The following SMAD3 variants were observed in gnomAD, a reference collection of about 807,000 sequenced individuals.
The protein encoded by SMAD3 is MAD homolog 3.
SMAD3 carries 12 observed loss-of-function variants against 51.8 expected under a neutral mutation model. That is an observed-to-expected ratio of 0.23 (90% CI 0.15 to 0.38). SMAD3 has a LOEUF of 0.38. Ranked by LOEUF, SMAD3 falls within the 10% of genes least tolerant of loss-of-function variation. The probability of loss-of-function intolerance (pLI) is 1.00; values close to 1 mark genes in which losing one functional copy is unlikely to be tolerated. For synonymous variants in SMAD3, 238 were observed against 227.7 expected, an observed-to-expected ratio of 1.05 and a Z score of -0.41; for missense variants, 294 against 565.6, an observed-to-expected ratio of 0.52 and a Z score of 4.87.
intron 1 of SMAD3, among the ~76,000 whole-genome samples, chr15:67,100,830 G>A (rs890617769): frequency 1.3e-5 from 2 of 152,194 alleles, no homozygotes; most frequent in African/African-American, 4.8e-5. Context: ...GAGAGTGCTA[G>A]TGACTTGCTC....
intron 1 of SMAD3, among the ~76,000 whole-genome samples, chr15:67,139,625 C>G (rs1961763807): frequency 6.6e-6 from 1 of 152,128 alleles, no homozygotes; most frequent in Non-Finnish European, 1.5e-5. Context: ...GCTTTTCTTC[C>G]CATGCCTGTG....
chr15:67,190,268 A>C, intron 8 of SMAD3, 145 bp from the exon 9 acceptor site: 3 of 732,356 alleles, frequency 4.1e-6, no homozygotes, highest in Non-Finnish European at 7.0e-6. Context: ...AGTTTCAGCA[A>C]GTTACTGGTA....
intron 1 of SMAD3, among the ~76,000 whole-genome samples, chr15:67,127,050 T>C (rs1365643104): frequency 2.0e-5 from 3 of 152,174 alleles, no homozygotes; most frequent in Non-Finnish European, 4.4e-5. Flanking sequence ...TGCCATCAAA[T>C]GGGATCCATT....
At chr15:67,159,872 T>C (rs971233294) in intron 1 of SMAD3, among the ~76,000 whole-genome samples, 1 of 152,254 alleles carries the variant, frequency 6.6e-6, no homozygotes, top group Non-Finnish European at 1.5e-5. Flanking sequence ...CCTTTTTTGT[T>C]ACTGAGTTGT....
At chr15:67,149,265 C>G (rs1962061514) in intron 1 of SMAD3, among the ~76,000 whole-genome samples, 1 of 152,148 alleles carries the variant, frequency 6.6e-6, no homozygotes, top group Non-Finnish European at 1.5e-5. Context: ...TGGGCCTGTT[C>G]AGCATTTTGA....
chr15:67,137,219 T>C (rs531541973), intron 1 of SMAD3, among the ~76,000 whole-genome samples: 4 of 152,344 alleles, frequency 2.6e-5, no homozygotes, highest in African/African-American at 4.8e-5. Context: ...TCATTTTTTT[T>C]CCCAGTAGAT....
At chr15:67,101,807 T>C (rs556839509) in intron 1 of SMAD3, among the ~76,000 whole-genome samples, 13 of 152,358 alleles carry the variant, frequency 8.5e-5, no homozygotes, top group African/African-American at 1.9e-4. Context: ...TCCTATCTTA[T>C]GGAGTTGGTG....
intron 1 of SMAD3, among the ~76,000 whole-genome samples, chr15:67,141,866 C>CT (rs763156920): frequency 2.2e-4 from 33 of 152,158 alleles, no homozygotes; most frequent in Non-Finnish European, 4.6e-4. Flanking sequence ...GATACAAACT[C>CT]TAAGTTGAGG....
At chr15:67,097,293 G>A (rs1030809953) in intron 1 of SMAD3, among the ~76,000 whole-genome samples, 1 of 152,100 alleles carries the variant, frequency 6.6e-6, no homozygotes, top group African/African-American at 2.4e-5. Context: ...TTGGCACACT[G>A]CAGCCTTGAC....
At chr15:67,095,969 G>A (rs1289047313) in intron 1 of SMAD3, among the ~76,000 whole-genome samples, 6 of 152,202 alleles carry the variant, frequency 3.9e-5, no homozygotes, top group Non-Finnish European at 8.8e-5. Context: ...GACTTCTGCC[G>A]GACCTACAAT....
At position 67,191,245 on chromosome 15, in the gene SMAD3, T is replaced by G. The variant is rs986623400; in HGVS notation, c.*709T>G. 4.3e-6 allele frequency: 1 copy of G among 233,534 alleles called. No individual in the cohort carries two copies. Among genetic ancestry groups the G allele is most frequent in the Non-Finnish European group, 8.5e-6 (1 of 118,252 alleles). The allele number at this position is 233,534 out of a possible 1,614,324, so 14.5% of individuals were successfully genotyped here. A position where few individuals can be genotyped will look rare whatever the true frequency, so the allele number is the denominator to read the frequency against. ...TAAAAACTCACTTACGTTTGTCCTT[T>G]TTCACTTTGAAAAGTTGGAAGGATC... On this transcript the variant is annotated 3_prime_UTR_variant, in exon 9 of 9. Transcript: ENST00000327367.
chr15:67,073,975 A>G (rs900591824), intron 1 of SMAD3, among the ~76,000 whole-genome samples: 1 of 152,222 alleles, frequency 6.6e-6, no homozygotes, highest in Non-Finnish European at 1.5e-5. Flanking sequence ...GCCCGGCCAC[A>G]TACAAACATT....
intron 1 of SMAD3, among the ~76,000 whole-genome samples, chr15:67,150,194 C>T (rs1012173602): frequency 5.9e-5 from 9 of 152,118 alleles, no homozygotes; most frequent in African/African-American, 2.2e-4. Context: ...ACTGAGTCGC[C>T]CGGTTGACCC....
chr15:67,091,542 A>G (rs1216324625), intron 1 of SMAD3, among the ~76,000 whole-genome samples: 1 of 152,168 alleles, frequency 6.6e-6, no homozygotes, highest in Non-Finnish European at 1.5e-5. Context: ...TTAGAAATGA[A>G]AGTACAGGGA....
At chr15:67,131,074 A>G (rs1274487108) in intron 1 of SMAD3, among the ~76,000 whole-genome samples, 1 of 152,230 alleles carries the variant, frequency 6.6e-6, no homozygotes, top group Admixed American at 6.5e-5. Flanking sequence ...TCTTGAATGC[A>G]TGCATGGATT....
intron 4 of SMAD3, among the ~76,000 whole-genome samples, 185 bp downstream of exon 4, chr15:67,167,038 G>A (rs1962611774): frequency 6.6e-6 from 1 of 152,192 alleles, no homozygotes; most frequent in Non-Finnish European, 1.5e-5. Context: ...ACAGATGATG[G>A]GGGAGATTGA....
chr15:67,158,589 C>A (rs1962345262), intron 1 of SMAD3, among the ~76,000 whole-genome samples: 1 of 152,236 alleles, frequency 6.6e-6, no homozygotes, highest in Non-Finnish European at 1.5e-5. Flanking sequence ...GAGTCCTGGC[C>A]ACTTGGCATG....
chr15:67,073,145 A>G (rs1005101179), intron 1 of SMAD3, among the ~76,000 whole-genome samples: 2 of 151,976 alleles, frequency 1.3e-5, no homozygotes, highest in African/African-American at 2.4e-5. Context: ...ACATCCCCCA[A>G]GCTCTGCAGT....
chr15:67,178,109 T>A (rs1238520479), intron 5 of SMAD3, among the ~76,000 whole-genome samples: 4 of 152,144 alleles, frequency 2.6e-5, no homozygotes, highest in African/African-American at 9.7e-5. Context: ...CACTGTCCGG[T>A]GTGTGTCTGT....
Sources: allele counts gnomAD v4.1 joint callset (sites outside exome capture counted in the v4.1 genomes callset), GRCh38; gene constraint gnomAD v4.1.1; transcripts MANE v1.5; gene names NCBI Gene and HGNC (gene_info 2026-07-23, HGNC 2026-07-21).